Variants in SDK1 observed in about 807,000 individuals in gnomAD.
SDK1 encodes sidekick cell adhesion molecule 1, also known as protein sidekick-1.
A neutral mutation model predicts 245.5 loss-of-function variants in SDK1; 157 were observed. The observed-to-expected ratio is 0.64, with a 90% CI of 0.56 to 0.73. The LOEUF (loss-of-function observed/expected upper bound fraction) is 0.73, where lower values mean the gene tolerates loss of function less well. Among genes scored for constraint, SDK1 ranks in the 30% least tolerant of loss-of-function variants. The pLI is 0.00. For missense variants in SDK1, 3,583 were observed against 3,002.3 expected, an observed-to-expected ratio of 1.19 and a Z score of -4.52; for synonymous variants, 1,647 against 1,278.5, an observed-to-expected ratio of 1.29 and a Z score of -6.15.
chr7:3,625,132 T>C (rs971585976), intron 2 of SDK1, among the ~76,000 whole-genome samples: 2 of 152,046 alleles, frequency 1.3e-5, no homozygotes, highest in Non-Finnish European at 2.9e-5. Flanking sequence ...AGATCCTCAT[T>C]AAACATCAAA....
intron 38 of SDK1, 96 bp downstream of exon 38, chr7:4,210,258 G>C (rs1784445274): frequency 7.3e-6 from 9 of 1,240,568 alleles, no homozygotes; most frequent in Non-Finnish European, 9.4e-6. Flanking sequence ...GCTTCTGTGG[G>C]CCAGGAGCCT....
chr7:4,238,268 C>T (rs1050954946), intron 42 of SDK1, among the ~76,000 whole-genome samples: 7 of 151,444 alleles, frequency 4.6e-5, no homozygotes, highest in Non-Finnish European at 8.8e-5. Context: ...TTAGTAGAGG[C>T]GGGGTTTCAC....
chr7:3,597,599 T>G (rs1244311455), intron 1 of SDK1, among the ~76,000 whole-genome samples: 1 of 152,172 alleles, frequency 6.6e-6, no homozygotes, highest in African/African-American at 2.4e-5. Context: ...TGCTCTGTTT[T>G]GAGATTGATC....
intron 4 of SDK1, among the ~76,000 whole-genome samples, chr7:3,692,827 G>A (rs1328309747): frequency 6.6e-6 from 1 of 152,010 alleles, no homozygotes; most frequent in African/African-American, 2.4e-5. Context: ...AGTGGTATTT[G>A]TGTCGAGTTT....
At chr7:3,353,983 C>G (rs1047920700) in intron 1 of SDK1, among the ~76,000 whole-genome samples, 5 of 151,478 alleles carry the variant, frequency 3.3e-5, no homozygotes, top group African/African-American at 1.2e-4. Flanking sequence ...CATTTCAGAC[C>G]ATTTTTCTTT....
At chr7:3,607,067 A>G (rs1781447843) in intron 1 of SDK1, among the ~76,000 whole-genome samples, 1 of 152,174 alleles carries the variant, frequency 6.6e-6, no homozygotes, top group South Asian at 2.1e-4. Flanking sequence ...TTCTCTCAAT[A>G]GTGTAATGTC....
intron 4 of SDK1, among the ~76,000 whole-genome samples, chr7:3,755,153 G>A (rs1779883064): frequency 6.6e-6 from 1 of 152,174 alleles, no homozygotes; most frequent in Non-Finnish European, 1.5e-5. Context: ...GTGAAAGAAG[G>A]AGGCTTCCAG....
At chr7:3,366,385 A>T (rs1458185023) in intron 1 of SDK1, among the ~76,000 whole-genome samples, 1 of 150,258 alleles carries the variant, frequency 6.7e-6, no homozygotes, top group African/African-American at 2.5e-5. Context: ...TATTTTGGAG[A>T]TTACTCCATT....
chr7:3,911,695 A>G (rs745626076), intron 5 of SDK1, among the ~76,000 whole-genome samples: 21 of 152,178 alleles, frequency 1.4e-4, no homozygotes, highest in Admixed American at 6.5e-5. Context: ...CAGGCCAGCC[A>G]TCTCTTTACT....
intron 22 of SDK1, among the ~76,000 whole-genome samples, chr7:4,086,203 T>G (rs1046871545): frequency 6.6e-6 from 1 of 152,188 alleles, no homozygotes; most frequent in African/African-American, 2.4e-5. Context: ...TTCTCACACC[T>G]GCACAGGTCT....
In SDK1 at chr7:3,583,911, G is replaced by C. The variant is rs555314285; in HGVS notation, c.299-35169G>C. 3.3e-5 allele frequency among the ~76,000 whole-genome samples: 5 copies of C among 152,282 alleles called. No individual in the cohort carries two copies. The East Asian group carries it at 9.7e-4, about 30-fold the overall frequency. On this transcript the variant is annotated intron_variant, in intron 1 of 44. Coordinates refer to ENST00000404826, the MANE Select transcript of SDK1 (RefSeq NM_152744.4). Reference sequence around the variant, plus strand: ...ACTTTGTGGAGCACAGAGAGGCCTTGTTTGCTTGGAGTGAAGGTCCCGTAT... The same window carrying C: ...ACTTTGTGGAGCACAGAGAGGCCTTCTTTGCTTGGAGTGAAGGTCCCGTAT...
intron 2 of SDK1, among the ~76,000 whole-genome samples, chr7:3,619,936 A>C (rs1239776840): frequency 6.6e-6 from 1 of 152,190 alleles, no homozygotes; most frequent in African/African-American, 2.4e-5. Flanking sequence ...ACCACGCTTC[A>C]GAGCTTTCCA....
intron 1 of SDK1, among the ~76,000 whole-genome samples, chr7:3,443,254 A>G (rs1017981958): frequency 2.0e-5 from 3 of 152,216 alleles, no homozygotes; most frequent in Non-Finnish European, 4.4e-5. Flanking sequence ...TTATTTAGCT[A>G]CAAGAACTAT....
intron 22 of SDK1, among the ~76,000 whole-genome samples, chr7:4,089,764 C>G (rs1465353653): frequency 6.6e-6 from 1 of 152,210 alleles, no homozygotes; most frequent in Non-Finnish European, 1.5e-5. Context: ...CCTTTGATTT[C>G]AAAAGTGTTT....
chr7:3,613,736 C>G (rs1424442080), intron 1 of SDK1, among the ~76,000 whole-genome samples: 1 of 152,122 alleles, frequency 6.6e-6, no homozygotes, highest in Non-Finnish European at 1.5e-5. Context: ...AAATACCCAT[C>G]AATGATAGAC....
intron 1 of SDK1, among the ~76,000 whole-genome samples, chr7:3,471,628 C>G (rs17133394): frequency 0.11 from 16,063 of 152,098 alleles, 1,096 homozygotes; most frequent in African/African-American, 0.19. Flanking sequence ...TGAAGTAAGT[C>G]AAGAGTAAGA....
chr7:3,682,232 G>A (rs1438465602), intron 4 of SDK1, among the ~76,000 whole-genome samples: 2 of 152,210 alleles, frequency 1.3e-5, no homozygotes, highest in Non-Finnish European at 2.9e-5. Context: ...TATTATGGAG[G>A]CACCAGAAAA....
intron 44 of SDK1, among the ~76,000 whole-genome samples, chr7:4,254,147 A>T (rs1047580379): frequency 1.3e-5 from 2 of 152,186 alleles, no homozygotes; most frequent in Admixed American, 1.3e-4. Flanking sequence ...GATTTTTATC[A>T]AATTTGGGAA....
chr7:3,313,494 A>G (rs547570702), intron 1 of SDK1, among the ~76,000 whole-genome samples: 2 of 152,330 alleles, frequency 1.3e-5, no homozygotes, highest in East Asian at 1.9e-4. Context: ...AAAAAGAAAG[A>G]AATTGAACCC....
Sources: allele counts gnomAD v4.1 joint callset (sites outside exome capture counted in the v4.1 genomes callset), GRCh38; gene constraint gnomAD v4.1.1; transcripts MANE v1.5; gene names NCBI Gene and HGNC (gene_info 2026-07-23, HGNC 2026-07-21).